The following ST18 variants were observed in gnomAD, a reference collection of about 807,000 sequenced individuals.
ST18 encodes suppression of tumorigenicity 18 protein.
ST18 carries 50 observed loss-of-function variants against 110.0 expected under a neutral mutation model. The ratio of observed to expected loss-of-function variants is 0.45; its 90% CI spans 0.36 to 0.58. The LOEUF is 0.58. Ranked by LOEUF, ST18 falls within the 20% of genes least tolerant of loss-of-function variation. The pLI, the probability that ST18 is intolerant of heterozygous loss-of-function variation, is 0.00. For synonymous variants in ST18, 461 were observed against 452.4 expected, an observed-to-expected ratio of 1.02 and a Z score of -0.24; for missense variants, 1,306 against 1,280.1, an observed-to-expected ratio of 1.02 and a Z score of -0.31.
intron 8 of ST18, among the ~76,000 whole-genome samples, chr8:52,190,252 T>C (rs2074027829): frequency 6.6e-6 from 1 of 152,098 alleles, no homozygotes; most frequent in South Asian, 2.1e-4. Context: ...TTGGGTCCCA[T>C]TCCCAAGATA....
intron 2 of ST18, among the ~76,000 whole-genome samples, chr8:52,254,673 G>A (rs552433285): frequency 6.6e-5 from 10 of 152,182 alleles, no homozygotes; most frequent in African/African-American, 1.7e-4. Flanking sequence ...TTATCGCCAC[G>A]GCAACAACAA....
chr8:52,365,354 C>A (rs1440556381), intron 2 of ST18, among the ~76,000 whole-genome samples: 1 of 151,996 alleles, frequency 6.6e-6, no homozygotes, highest in Non-Finnish European at 1.5e-5. Context: ...ATGGCTAAAT[C>A]GTCTCACACT....
At chr8:52,381,967 TAAAAAAC>T (rs768341626) in intron 2 of ST18, among the ~76,000 whole-genome samples, 1 of 47,270 alleles carries the variant, frequency 2.1e-5, no homozygotes, top group Non-Finnish European at 1.1e-4. Flanking sequence ...TATGCTGCAT[TAAAAAAC>T]AAAAAAAAAC....
At chr8:52,186,868 T>C (rs1177210523) in intron 8 of ST18, among the ~76,000 whole-genome samples, 1 of 152,168 alleles carries the variant, frequency 6.6e-6, no homozygotes, top group Non-Finnish European at 1.5e-5. Context: ...ATGATGACTT[T>C]TGTGAGGGTC....
At chr8:52,142,134 C>T (rs1377645442) in intron 17 of ST18, among the ~76,000 whole-genome samples, 3 of 151,908 alleles carry the variant, frequency 2.0e-5, no homozygotes, top group Non-Finnish European at 2.9e-5. Flanking sequence ...AAGGGGATGC[C>T]GAGGGAAGGG....
At chr8:52,363,955 A>G (rs1167112275) in intron 2 of ST18, among the ~76,000 whole-genome samples, 1 of 152,210 alleles carries the variant, frequency 6.6e-6, no homozygotes, top group African/African-American at 2.4e-5. Context: ...GCAAAAGTCA[A>G]TGGCTCAATC....
chr8:52,321,232 G>A (rs1803773846), intron 2 of ST18, among the ~76,000 whole-genome samples: 1 of 152,130 alleles, frequency 6.6e-6, no homozygotes, highest in East Asian at 1.9e-4. Flanking sequence ...AAGGGGGCGT[G>A]GCCAGGGAGG....
chr8:52,273,343 G>A (rs1008240773), intron 2 of ST18, among the ~76,000 whole-genome samples: 4 of 152,066 alleles, frequency 2.6e-5, no homozygotes, highest in Admixed American at 2.0e-4. Context: ...AGAACTATCT[G>A]GAGAATTTCA....
intron 15 of ST18, among the ~76,000 whole-genome samples, chr8:52,153,694 G>A (rs552001160): frequency 4.4e-4 from 67 of 152,306 alleles, no homozygotes; most frequent in African/African-American, 1.4e-3. Context: ...CATGGTCCAC[G>A]CTGCTTGGCC....
At chr8:52,175,854 C>T (rs539718460) in intron 9 of ST18, among the ~76,000 whole-genome samples, 166 of 152,286 alleles carry the variant, frequency 1.1e-3, no homozygotes, top group African/African-American at 3.8e-3. Flanking sequence ...CTGAAACATA[C>T]TACTCCAGGT....
At position 52,214,236 on chromosome 8, in the gene ST18, T is replaced by G. The variant is rs2083291451; in HGVS notation, c.22A>C (p.Lys8Gln). 1 of 1,614,130 alleles carries G rather than the reference T, an allele frequency of 6.2e-7. No homozygotes were observed. MDAEAED[K>Q]TLRTRSKGTE... ...CCTTTAGAGCGAGTACGCAGCGTTT[T>G]ATCTTCAGCCTCTGCATCCATCTAT... is the stretch of plus-strand genomic sequence containing the variant. Residue 8 changes from lysine (K) to glutamine (Q), a missense_variant, in exon 7 of 26, where the codon AAA becomes CAA. Coordinates refer to ENST00000689386, the MANE Select transcript of ST18 (RefSeq NM_001352837.2).
chr8:52,209,135 T>TA (rs1243755302), intron 8 of ST18, among the ~76,000 whole-genome samples: 3 of 152,238 alleles, frequency 2.0e-5, no homozygotes, highest in South Asian at 2.1e-4. Context: ...TGTCCAAATT[T>TA]AAAAAAACTA....
rs576729022 is a variant in ST18 at position 52,372,709 on chromosome 8, C to T, written c.-465+36619G>A. ...TGCTGTACATGTACAGGTTTGTAGC[C>T]TAGAAGCAAAACAGCCTGGGTATGT... On this transcript the variant is annotated intron_variant, in intron 2 of 25. Transcript: ENST00000689386. 5.4e-4 allele frequency among the ~76,000 whole-genome samples: 82 copies of T among 152,298 alleles called. No individual in the cohort carries two copies. In the South Asian group the frequency reaches 0.016, roughly 30 times the overall value.
intron 10 of ST18, chr8:52,171,568 C>A: frequency 1.5e-6 from 1 of 645,798 alleles, no homozygotes; most frequent in Non-Finnish European, 2.8e-6. Context: ...ATTCAATGAA[C>A]CTTTTTTCAT....
chr8:52,226,413 A>G (rs944965966), intron 3 of ST18, among the ~76,000 whole-genome samples: 1 of 152,166 alleles, frequency 6.6e-6, no homozygotes, highest in African/African-American at 2.4e-5. Context: ...CTAACTCAGA[A>G]TCTACTTGTA....
intron 2 of ST18, among the ~76,000 whole-genome samples, chr8:52,306,304 T>A (rs745919732): frequency 6.6e-6 from 1 of 152,204 alleles, no homozygotes; most frequent in Non-Finnish European, 1.5e-5. Flanking sequence ...AACAATTCCC[T>A]TGTTTATTAC....
At chr8:52,200,608 A>G (rs1261359194) in intron 8 of ST18, among the ~76,000 whole-genome samples, 4 of 152,326 alleles carry the variant, frequency 2.6e-5, no homozygotes, top group South Asian at 4.1e-4. Context: ...TGAATCTTAC[A>G]TGAGGAAGAA....
chr8:52,112,600 T>C lies in ST18; in HGVS notation c.*598A>G, dbSNP rs1340188239. ...TGGGCGCCATTTGTCTTCTTATTCCTTCCGTGCAGCTCACCTTACCGCAAA... is the reference window on the plus strand; with the variant it reads ...TGGGCGCCATTTGTCTTCTTATTCCCTCCGTGCAGCTCACCTTACCGCAAA... On this transcript the variant is annotated 3_prime_UTR_variant, in exon 26 of 26. Transcript: ENST00000689386. The C allele has an allele frequency of 3.3e-5, 5 of 152,624 alleles. No homozygotes were observed. Among genetic ancestry groups the C allele is most frequent in the Non-Finnish European group, 7.3e-5 (5 of 68,046 alleles). The allele number at this position is 152,624 out of a possible 1,614,324, so 9.5% of individuals were successfully genotyped here. A position where few individuals can be genotyped will look rare whatever the true frequency, so the allele number is the denominator to read the frequency against.
intron 2 of ST18, among the ~76,000 whole-genome samples, chr8:52,273,249 G>A (rs1290989402): frequency 2.0e-5 from 3 of 152,180 alleles, no homozygotes; most frequent in Non-Finnish European, 2.9e-5. Context: ...GGGAATCGTG[G>A]AGAGGGGAGG....
Sources: allele counts gnomAD v4.1 joint callset (sites outside exome capture counted in the v4.1 genomes callset), GRCh38; gene constraint gnomAD v4.1.1; transcripts MANE v1.5; gene names NCBI Gene and HGNC (gene_info 2026-07-23, HGNC 2026-07-21).